ZNF438: variants seen among roughly 807,000 people sequenced by gnomAD.
The protein encoded by ZNF438 is zinc finger protein 438.
ZNF438 carries 25 observed loss-of-function variants against 38.0 expected under a neutral mutation model. The observed-to-expected ratio is 0.66, with a 90% CI of 0.48 to 0.92. The LOEUF (loss-of-function observed/expected upper bound fraction) is 0.92. ZNF438 is among the 40% of genes least tolerant of loss of function. The pLI is 0.00. For missense variants in ZNF438, 1,007 were observed against 999.6 expected (o/e 1.01, Z -0.10); for synonymous variants, 372 against 364.1 (o/e 1.02, Z -0.25).
chr10:30,907,553 T>C (rs1589135302), intron 3 of ZNF438, among the ~76,000 whole-genome samples: 1 of 152,222 alleles, frequency 6.6e-6, no homozygotes, highest in South Asian at 2.1e-4. Context: ...TAACTTGTTA[T>C]AGGTTCATAT....
intron 4 of ZNF438, among the ~76,000 whole-genome samples, chr10:30,867,998 T>C (rs1252508087): frequency 2.6e-5 from 4 of 152,180 alleles, no homozygotes; most frequent in Non-Finnish European, 4.4e-5. Context: ...TTTCCCCCAA[T>C]TTTAAGAAAT....
chr10:30,950,861 C>G (rs1325602363), intron 1 of ZNF438, among the ~76,000 whole-genome samples: 2 of 117,636 alleles, frequency 1.7e-5, no homozygotes, highest in Admixed American at 1.7e-4. Context: ...TTATTCCAAT[C>G]AATAGAAAAA....
intron 2 of ZNF438, chr10:30,920,209 T>C (rs1295121369): frequency 6.6e-6 from 1 of 152,228 alleles, no homozygotes. Flanking sequence ...TTCCATGTAG[T>C]CATTGGTGAG....
At chr10:30,857,336 C>A (rs2034829685) in intron 4 of ZNF438, among the ~76,000 whole-genome samples, 2 of 149,412 alleles carry the variant, frequency 1.3e-5, no homozygotes, top group South Asian at 4.2e-4. Flanking sequence ...CTCACTGCAA[C>A]CTCTACCTCC....
chr10:30,878,820 C>G (rs781500583), intron 3 of ZNF438, among the ~76,000 whole-genome samples: 5 of 152,286 alleles, frequency 3.3e-5, no homozygotes, highest in African/African-American at 4.8e-5. Context: ...AACCCACTCG[C>G]TTGCTCACGT....
At position 30,973,991 on chromosome 10, in the gene ZNF438, G is replaced by A. The variant is rs555998421; in HGVS notation, c.-191-32340C>T. Among the ~76,000 whole-genome samples the A allele has an allele frequency of 1.7e-4, 26 of 152,296 alleles. No homozygotes were observed. In the South Asian group the frequency reaches 4.4e-3, roughly 25 times the overall value. ...AAACACAACTTTAGTGCTAGCAGCC[G>A]TTTCACCACTCAGGAGTTCAATGAA... On this transcript the variant is annotated intron_variant, in intron 1 of 5. Transcript: ENST00000413025.
intron 4 of ZNF438, among the ~76,000 whole-genome samples, chr10:30,873,064 T>C (rs1171260205): frequency 6.6e-6 from 1 of 152,242 alleles, no homozygotes; most frequent in East Asian, 1.9e-4. Context: ...GGTGACTTTG[T>C]CTTTCTTTCA....
chr10:30,971,379 C>T (rs1482929368), intron 1 of ZNF438, among the ~76,000 whole-genome samples: 5 of 151,958 alleles, frequency 3.3e-5, no homozygotes, highest in African/African-American at 1.2e-4. Context: ...GTTTAAACAT[C>T]AACAAAAAAC....
At chr10:30,979,091 A>G (rs1332432032) in intron 1 of ZNF438, among the ~76,000 whole-genome samples, 2 of 152,234 alleles carry the variant, frequency 1.3e-5, no homozygotes, top group Non-Finnish European at 2.9e-5. Context: ...TGGTTTGCTG[A>G]ATAGTTTAAG....
chr10:31,005,608 ATACTG>A (rs1036123803), intron 1 of ZNF438, among the ~76,000 whole-genome samples: 1 of 152,156 alleles, frequency 6.6e-6, no homozygotes, highest in African/African-American at 2.4e-5. Flanking sequence ...ACTATGGTTA[ATACTG>A]TACTGTATTT....
At chr10:30,848,259 G>A (rs893347720) in intron 5 of ZNF438, among the ~76,000 whole-genome samples, 7 of 152,088 alleles carry the variant, frequency 4.6e-5, no homozygotes, top group African/African-American at 1.7e-4. Context: ...CAAATTCTGT[G>A]GATGTGATTT....
chr10:30,884,919 T>C (rs1359997195), intron 3 of ZNF438, among the ~76,000 whole-genome samples: 1 of 152,132 alleles, frequency 6.6e-6, no homozygotes, highest in Non-Finnish European at 1.5e-5. Flanking sequence ...TAACAGAAAA[T>C]AATTTGCTCC....
At chr10:30,846,807 C>T (rs377229779) in intron 5 of ZNF438, among the ~76,000 whole-genome samples, 3 of 152,154 alleles carry the variant, frequency 2.0e-5, no homozygotes, top group African/African-American at 7.2e-5. Context: ...AGGCCCCTTT[C>T]CCCCCACGGG....
chr10:30,953,106 C>T lies in ZNF438; in HGVS notation c.-191-11455G>A, dbSNP rs1383515731. On this transcript the variant is annotated intron_variant, in intron 1 of 5. Coordinates refer to ENST00000413025, the Ensembl canonical transcript of ZNF438. ...GATGAGTTCACGTCCTTTGTAGGGA[C>T]ATGGATGAAATTGGAAATCATCATT... 3.6e-5 allele frequency among the ~76,000 whole-genome samples: 5 copies of T among 139,778 alleles called. No homozygotes were observed. The Admixed American group carries it at 3.7e-4, about 10-fold the overall frequency. The allele number at this position is 139,778 out of a possible 152,430, so 91.7% of individuals were successfully genotyped here.
At chr10:30,993,376 ACCCCACAGCAATGCTCTGTGGCTG>A (rs1297158759) in intron 1 of ZNF438, among the ~76,000 whole-genome samples, 1 of 152,102 alleles carries the variant, frequency 6.6e-6, no homozygotes, top group Non-Finnish European at 1.5e-5. Flanking sequence ...TGCTCCCTGC[ACCCCACAGCAATGCTCTGTGGCTG>A]CCCCAGTCAT....
intron 1 of ZNF438, among the ~76,000 whole-genome samples, chr10:30,945,397 T>C (rs1014424370): frequency 6.6e-6 from 1 of 151,710 alleles, no homozygotes; most frequent in African/African-American, 2.4e-5. Flanking sequence ...ACTTTTTTTT[T>C]TTTTATTTTT....
At chr10:30,899,671 G>A (rs543763853) in intron 3 of ZNF438, among the ~76,000 whole-genome samples, 18 of 150,534 alleles carry the variant, frequency 1.2e-4, no homozygotes, top group Admixed American at 1.1e-3. Flanking sequence ...CACACACAGG[G>A]CACACAGAGT....
At chr10:30,992,868 A>G (rs1035418575) in intron 1 of ZNF438, among the ~76,000 whole-genome samples, 1 of 152,242 alleles carries the variant, frequency 6.6e-6, no homozygotes, top group African/African-American at 2.4e-5. Flanking sequence ...ACAGCCTGAC[A>G]CGCCTCAAGG....
At chr10:30,875,023 T>C (rs1271306006) in intron 4 of ZNF438, among the ~76,000 whole-genome samples, 2 of 152,176 alleles carry the variant, frequency 1.3e-5, no homozygotes, top group South Asian at 2.1e-4. Flanking sequence ...ATTATCACAA[T>C]GGAGGCACAT....
Sources: gnomAD v4.1 joint callset for allele counts (sites outside exome capture counted in the v4.1 genomes callset) on GRCh38, gnomAD v4.1.1 for gene constraint, MANE v1.5 for transcripts, NCBI Gene and HGNC (gene_info 2026-07-23, HGNC 2026-07-21) for gene names.